CFAP161: variants seen among roughly 807,000 people sequenced by gnomAD.
The protein encoded by CFAP161 is cilia- and flagella-associated protein 161.
CFAP161 carries 25 observed loss-of-function variants against 29.0 expected under a neutral mutation model. The observed-to-expected ratio is 0.86, with a 90% CI of 0.63 to 1.20. The LOEUF (loss-of-function observed/expected upper bound fraction) is 1.20. CFAP161 is among the 50% of genes most tolerant of loss of function. The probability of loss-of-function intolerance (pLI) is 0.00; values close to 1 mark genes in which losing one functional copy is unlikely to be tolerated. For missense variants in CFAP161, 367 were observed against 371.9 expected (o/e 0.99, Z 0.11); for synonymous variants, 116 against 137.4 (o/e 0.84, Z 1.09).
upstream of CFAP161, among the ~76,000 whole-genome samples, chr15:81,130,560 T>C (rs1312430116): frequency 1.3e-5 from 2 of 152,022 alleles, no homozygotes; most frequent in African/African-American, 4.8e-5. Flanking sequence ...ATTAGCTGGG[T>C]GTGGTGGCAT....
intron 1 of CFAP161, among the ~76,000 whole-genome samples, chr15:81,121,778 C>A (rs1894576900): frequency 6.6e-6 from 1 of 152,090 alleles, no homozygotes; most frequent in Non-Finnish European, 1.5e-5. Context: ...GTAAACATGT[C>A]ATGGGGGTTT....
chr15:81,143,840 G>T lies in CFAP161; in HGVS notation c.636+20G>T. 1 of 1,606,484 alleles carries T rather than the reference G, an allele frequency of 6.2e-7. No homozygotes were observed. Among genetic ancestry groups the T allele is most frequent in the Non-Finnish European group, 8.5e-7 (1 of 1,174,476 alleles). On this transcript the variant is annotated intron_variant, in intron 5 of 6. Transcript: ENST00000286732. Reference sequence around the variant, plus strand: ...GTCCCGGTGAGTGCAGCATCGGGAAGACATGGGTGTCTAGGCTATGAAATG... The same window carrying T: ...GTCCCGGTGAGTGCAGCATCGGGAATACATGGGTGTCTAGGCTATGAAATG...
intron 1 of CFAP161, among the ~76,000 whole-genome samples, chr15:81,110,845 C>T (rs1567151157): frequency 6.6e-6 from 1 of 152,232 alleles, no homozygotes; most frequent in Non-Finnish European, 1.5e-5. Flanking sequence ...CTCTGGTGGC[C>T]ATGCTGGGCT....
intron 1 of CFAP161, 77 bp downstream of exon 1, chr15:81,134,475 T>G (rs1420696199): frequency 2.1e-6 from 3 of 1,440,654 alleles, no homozygotes; most frequent in Non-Finnish European, 2.9e-6. Flanking sequence ...TCTCCTACTT[T>G]GAGCGCCTCA....
upstream of CFAP161, among the ~76,000 whole-genome samples, chr15:81,131,058 G>A (rs1004082813): frequency 6.0e-5 from 9 of 151,130 alleles, no homozygotes; most frequent in African/African-American, 9.8e-5. Context: ...ACACAGAGAC[G>A]TGAAGTGAGC....
At chr15:81,146,122 G>A (rs1217541693) in intron 5 of CFAP161, among the ~76,000 whole-genome samples, 1 of 152,040 alleles carries the variant, frequency 6.6e-6, no homozygotes, top group Non-Finnish European at 1.5e-5. Flanking sequence ...TTTTTGTTTT[G>A]ACCCCTCATG....
intron 1 of CFAP161, among the ~76,000 whole-genome samples, chr15:81,108,143 G>A (rs1894397192): frequency 1.3e-5 from 2 of 152,188 alleles, no homozygotes; most frequent in South Asian, 4.2e-4. Context: ...TCCTGGAAAT[G>A]GTCTCTTTCT....
At chr15:81,119,951 G>C (rs1310872885) in intron 1 of CFAP161, among the ~76,000 whole-genome samples, 1 of 151,948 alleles carries the variant, frequency 6.6e-6, no homozygotes, top group Non-Finnish European at 1.5e-5. Flanking sequence ...TATAAAATAA[G>C]TTATTATCCA....
At chr15:81,133,223 A>ATTTTT (rs1555449903), upstream of CFAP161, among the ~76,000 whole-genome samples, 2 of 25,708 alleles carry the variant, frequency 7.8e-5, no homozygotes, top group African/African-American at 2.4e-4. Flanking sequence ...ATATATATAT[A>ATTTTT]TGTATTTTTT....
At position 81,136,720 on chromosome 15, in the gene CFAP161, A is replaced by T; in HGVS notation, c.364A>T (p.Ile122Phe). Residue 122 changes from isoleucine to phenylalanine, a missense_variant, in exon 3 of 7, where the codon ATT becomes TTT. Coordinates refer to ENST00000286732, the MANE Select transcript of CFAP161 (RefSeq NM_173528.4). ...GAGCGCAGTTCAAGCCAAGACCCCA[A>T]TTGGCAGAAACACTTTTATCATTTT... is the stretch of plus-strand genomic sequence containing the variant. ...GLSAVQAKTP[I>F]GRNTFIILSV... 6.2e-7 allele frequency: 1 copy of T among 1,614,010 alleles called. No individual in the cohort carries two copies. Among genetic ancestry groups the T allele is most frequent in the Non-Finnish European group, 8.5e-7 (1 of 1,179,910 alleles).
intron 4 of CFAP161, among the ~76,000 whole-genome samples, chr15:81,140,264 T>C (rs1304910071): frequency 6.6e-6 from 1 of 152,242 alleles, no homozygotes; most frequent in African/African-American, 2.4e-5. Context: ...TTAAGACTGC[T>C]TCAGAGATCT....
intron 1 of CFAP161, among the ~76,000 whole-genome samples, chr15:81,107,513 G>A (rs1280540901): frequency 2.0e-5 from 3 of 152,144 alleles, no homozygotes; most frequent in African/African-American, 7.2e-5. Context: ...ATCACCTGAG[G>A]TCGGGACTTT....
chr15:81,121,522 GAC>G (rs374208494), intron 1 of CFAP161, among the ~76,000 whole-genome samples: 86,233 of 151,298 alleles, frequency 0.57, 25,857 homozygotes, highest in Non-Finnish European at 0.68. Context: ...AAACACATCT[GAC>G]TTTTTTGGTA....
chr15:81,113,713 C>T (rs1453158262), intron 1 of CFAP161, among the ~76,000 whole-genome samples: 3 of 152,184 alleles, frequency 2.0e-5, no homozygotes, highest in African/African-American at 7.2e-5. Context: ...GCCACCTTCC[C>T]AGCACCTCGA....
In CFAP161 at chr15:81,108,827, G is replaced by A. The variant is rs563363488; in HGVS notation, c.-141-18763G>A. Among the ~76,000 whole-genome samples the A allele has an allele frequency of 1.1e-4, 16 of 152,340 alleles. No homozygotes were observed. In the South Asian group the frequency reaches 3.3e-3, roughly 32 times the overall value. On this transcript the variant is annotated intron_variant, in intron 1 of 4. Transcript: ENST00000560091. ...GCAATGTTACCAGCCATTTAGTCCA[G>A]CTGTAAAGAATTGAGGTTCCTGGGA... is the stretch of plus-strand genomic sequence containing the variant.
intron 1 of CFAP161, among the ~76,000 whole-genome samples, chr15:81,134,851 G>A (rs942964721): frequency 3.5e-5 from 5 of 143,798 alleles, no homozygotes; most frequent in Admixed American, 1.4e-4. Context: ...TTTTATTGAC[G>A]TTGTACTCAC....
chr15:81,107,920 A>G (rs1175255480), intron 1 of CFAP161, among the ~76,000 whole-genome samples: 1 of 148,968 alleles, frequency 6.7e-6, no homozygotes, highest in African/African-American at 2.5e-5. Context: ...CCCTCTTATC[A>G]CATTTTTTTT....
intron 1 of CFAP161, among the ~76,000 whole-genome samples, chr15:81,102,284 G>A (rs979668118): frequency 2.0e-5 from 3 of 152,186 alleles, no homozygotes; most frequent in Non-Finnish European, 1.5e-5. Context: ...CCACGTTCAC[G>A]TTTTCTAGGC....
At chr15:81,142,788 G>C (rs1894933301) in intron 4 of CFAP161, among the ~76,000 whole-genome samples, 1 of 152,174 alleles carries the variant, frequency 6.6e-6, no homozygotes, top group Non-Finnish European at 1.5e-5. Context: ...AACCAGTGAA[G>C]AACTAGCAAA....
Sources: allele counts gnomAD v4.1 joint callset (sites outside exome capture counted in the v4.1 genomes callset), GRCh38; gene constraint gnomAD v4.1.1; transcripts MANE v1.5; gene names NCBI Gene and HGNC (gene_info 2026-07-23, HGNC 2026-07-21).